The following ERC2 variants were observed in gnomAD, a reference collection of about 807,000 sequenced individuals.
ERC2 encodes ELKS/RAB6-interacting/CAST family member 2, also known as ERC protein 2.
Under a neutral mutation model 114.8 loss-of-function variants are expected in ERC2, and 42 were observed. That is an observed-to-expected ratio of 0.37 (90% confidence interval 0.29 to 0.47). The LOEUF is 0.47. ERC2 is among the 20% of genes least tolerant of loss of function. ERC2 has a pLI of 0.99. For synonymous variants in ERC2, 454 were observed against 425.5 expected, an observed-to-expected ratio of 1.07 and a Z score of -0.82; for missense variants, 939 against 1,150.7, an observed-to-expected ratio of 0.82 and a Z score of 2.66.
At chr3:55,943,858 G>T (rs1365422100) in intron 13 of ERC2, among the ~76,000 whole-genome samples, 1 of 152,112 alleles carries the variant, frequency 6.6e-6, no homozygotes, top group Non-Finnish European at 1.5e-5. Flanking sequence ...GGGGTAAACA[G>T]AGGCAAGACA....
chr3:55,872,484 A>G (rs1261837432), intron 14 of ERC2, among the ~76,000 whole-genome samples: 1 of 152,258 alleles, frequency 6.6e-6, no homozygotes, highest in Admixed American at 6.5e-5. Context: ...CTTAACTTCA[A>G]TAGAAAAGCC....
chr3:56,208,316 T>C lies in ERC2; in HGVS notation c.1075-34796A>G, dbSNP rs1039262855. Among the ~76,000 whole-genome samples, 165 of 151,240 alleles carry C rather than the reference T, an allele frequency of 1.1e-3. 1 individual carries two copies. The highest frequency in any genetic ancestry group is 1.3e-3 in the South Asian group (6 of 4,752). Reference sequence around the variant, plus strand: ...AAAAAGATGGCAATTCTAACATTCATAGAGGGATTTTGAACATTTACTTAA... The same window carrying C: ...AAAAAGATGGCAATTCTAACATTCACAGAGGGATTTTGAACATTTACTTAA... On this transcript the variant is annotated intron_variant, in intron 3 of 17. Transcript: ENST00000288221.
chr3:55,610,506 AACACACACACACACACAC>A (rs1162337654), intron 17 of ERC2: 10 of 137,324 alleles, frequency 7.3e-5, no homozygotes, highest in South Asian at 2.5e-4. Context: ...TCTACGGAAA[AACACACACACACACACAC>A]ACACACACAC....
At chr3:55,813,676 C>A (rs112276899) in intron 14 of ERC2, among the ~76,000 whole-genome samples, 4,145 of 152,120 alleles carry the variant, frequency 0.027, 193 homozygotes, top group African/African-American at 0.094. Context: ...TTTTCCCTAA[C>A]AAATGAAGAA....
chr3:56,434,535 TGCA>T lies in ERC2; in HGVS notation c.470_472del (p.Leu157del). 6.2e-7 allele frequency: 1 copy of T among 1,614,034 alleles called. No homozygotes were observed. Among genetic ancestry groups the T allele is most frequent in the Non-Finnish European group, 8.5e-7 (1 of 1,179,892 alleles). On this transcript the variant is annotated inframe_deletion, in exon 2 of 18. Coordinates refer to ENST00000288221, the MANE Select transcript of ERC2 (RefSeq NM_015576.3). ...TTTCCGGAGGAGGTCATTCTCTCTC[TGCA>T]GTTCTTTCAGCTGGGCCTGAAGATC...
intron 2 of ERC2, among the ~76,000 whole-genome samples, chr3:56,419,941 T>G (rs1204761505): frequency 6.6e-6 from 1 of 152,174 alleles, no homozygotes; most frequent in African/African-American, 2.4e-5. Context: ...TTTGGTACAT[T>G]TCTAAATTTA....
chr3:56,174,980 A>G lies in ERC2; in HGVS notation c.1075-1460T>C, dbSNP rs1000115109. ...TGATGGAACGAGACTCTGTCTAAAA[A>G]AAAAAAAAAAAAGATAGGACATGTT... On this transcript the variant is annotated intron_variant, in intron 3 of 17. Coordinates refer to ENST00000288221, the MANE Select transcript of ERC2 (RefSeq NM_015576.3). 3.0e-4 allele frequency among the ~76,000 whole-genome samples: 13 copies of G among 43,564 alleles called. No individual in the cohort carries two copies. In the South Asian group the frequency reaches 0.02, roughly 66 times the overall value. 28.6% of individuals were successfully genotyped at this position (43,564 alleles called of 152,430 possible). A position where few individuals can be genotyped will look rare whatever the true frequency, so the allele number is the denominator to read the frequency against.
At chr3:55,927,859 T>C (rs986420998) in intron 13 of ERC2, among the ~76,000 whole-genome samples, 14 of 152,328 alleles carry the variant, frequency 9.2e-5, no homozygotes, top group African/African-American at 3.4e-4. Flanking sequence ...ACATGAGAAG[T>C]TGGTCTTTCT....
chr3:56,421,356 T>C (rs966468806), intron 2 of ERC2, among the ~76,000 whole-genome samples: 1 of 152,226 alleles, frequency 6.6e-6, no homozygotes, highest in Admixed American at 6.5e-5. Context: ...ACACACTCCC[T>C]TGCTAGAGAA....
intron 7 of ERC2, among the ~76,000 whole-genome samples, chr3:56,058,445 G>C (rs938533264): frequency 6.6e-6 from 1 of 152,172 alleles, no homozygotes; most frequent in Admixed American, 6.5e-5. Context: ...CTGAAAAGAC[G>C]AAGTCTCTCA....
chr3:55,729,210 TCAC>T (rs1403082576), intron 15 of ERC2, among the ~76,000 whole-genome samples: 1 of 152,200 alleles, frequency 6.6e-6, no homozygotes, highest in Non-Finnish European at 1.5e-5. Flanking sequence ...CTCTGACAAC[TCAC>T]TTCCTTGCCT....
intron 4 of ERC2, among the ~76,000 whole-genome samples, chr3:56,170,484 A>G (rs571643435): frequency 6.6e-6 from 1 of 151,972 alleles, no homozygotes; most frequent in East Asian, 1.9e-4. Context: ...AAGTGTGTAT[A>G]TGGGGACAAT....
At chr3:56,416,634 C>T (rs372033452) in intron 2 of ERC2, among the ~76,000 whole-genome samples, 4 of 145,258 alleles carry the variant, frequency 2.8e-5, no homozygotes, top group South Asian at 2.2e-4. Flanking sequence ...GGATAAATGA[C>T]GCTTTGCCAA....
chr3:56,096,482 C>A (rs1467418979), intron 6 of ERC2, among the ~76,000 whole-genome samples: 1 of 151,960 alleles, frequency 6.6e-6, no homozygotes, highest in Non-Finnish European at 1.5e-5. Context: ...AAATAGCAAC[C>A]AAAGCAGTGG....
intron 7 of ERC2, among the ~76,000 whole-genome samples, chr3:56,076,941 A>G (rs1483719290): frequency 1.3e-5 from 2 of 152,142 alleles, no homozygotes; most frequent in African/African-American, 2.4e-5. Flanking sequence ...ACCTAGTTCT[A>G]CTGGCATCAA....
intron 17 of ERC2, among the ~76,000 whole-genome samples, chr3:55,602,533 C>A (rs2148533197): frequency 6.6e-6 from 1 of 152,328 alleles, no homozygotes; most frequent in South Asian, 2.1e-4. Flanking sequence ...TTAGTGGACA[C>A]TTGGAAATCT....
At chr3:55,741,929 G>T (rs1321568235) in intron 14 of ERC2, among the ~76,000 whole-genome samples, 1 of 151,788 alleles carries the variant, frequency 6.6e-6, no homozygotes, top group African/African-American at 2.4e-5. Flanking sequence ...AACAATAGAG[G>T]AAAAAAGGGG....
rs774288125 is a variant in ERC2 at position 56,296,163 on chromosome 3, C to T, written c.930G>A (p.Glu310=). 1.5e-5 allele frequency: 24 copies of T among 1,613,872 alleles called. No individual in the cohort carries two copies. Among genetic ancestry groups the T allele is most frequent in the Non-Finnish European group, 1.9e-5 (23 of 1,179,904 alleles). ...ATGGCAAGCCTTTACTTTGCAACAT[C>T]TCAAGAAGTTTTTTAATTGACTCAT... is the stretch of plus-strand genomic sequence containing the variant. ...ARDESIKKLL[E]MLQSKGLPSK... The change falls in exon 3 of 18, where the codon GAG becomes GAA. Residue 310 remains glutamate, a synonymous_variant. Coordinates refer to ENST00000288221, the MANE Select transcript of ERC2 (RefSeq NM_015576.3).
intron 14 of ERC2, among the ~76,000 whole-genome samples, chr3:55,758,054 A>C (rs62249342): frequency 6.6e-6 from 1 of 152,112 alleles, no homozygotes; most frequent in African/African-American, 2.4e-5. Context: ...CTGAAATATT[A>C]ATGACTTAAA....
Sources: allele counts gnomAD v4.1 joint callset (sites outside exome capture counted in the v4.1 genomes callset), GRCh38; gene constraint gnomAD v4.1.1; transcripts MANE v1.5; gene names NCBI Gene and HGNC (gene_info 2026-07-23, HGNC 2026-07-21).